FA2H: variants seen among roughly 807,000 people sequenced by gnomAD.
FA2H encodes the protein fatty acid alpha-hydroxylase.
FA2H carries 22 observed loss-of-function variants against 44.9 expected under a neutral mutation model. That is an observed-to-expected ratio of 0.49 (90% CI 0.35 to 0.70). The LOEUF is 0.70. FA2H is among the 30% of genes least tolerant of loss of function. The pLI, the probability that FA2H is intolerant of heterozygous loss-of-function variation, is 0.01. For synonymous variants in FA2H, 243 were observed against 213.2 expected (o/e 1.14, Z -1.22); for missense variants, 501 against 504.9 (o/e 0.99, Z 0.07).
chr16:74,766,459 G>C (rs886646870), intron 1 of FA2H, among the ~76,000 whole-genome samples: 5 of 152,160 alleles, frequency 3.3e-5, no homozygotes, highest in African/African-American at 1.2e-4. Flanking sequence ...AAGGGATATG[G>C]CAATAGGGAG....
intron 2 of FA2H, among the ~76,000 whole-genome samples, chr16:74,728,450 C>T (rs780563169): frequency 2.4e-4 from 36 of 152,102 alleles, no homozygotes; most frequent in Middle Eastern, 6.8e-3. Context: ...AGTTCATCAA[C>T]ATGGGGGATT....
chr16:74,764,232 G>T (rs978900162), intron 1 of FA2H, among the ~76,000 whole-genome samples: 31 of 152,230 alleles, frequency 2.0e-4, no homozygotes, highest in Middle Eastern at 6.8e-3. Flanking sequence ...ATACCCAGAG[G>T]AATATAAATC....
intron 5 of FA2H, among the ~76,000 whole-genome samples, chr16:74,718,499 G>T (rs1961757721): frequency 6.6e-6 from 1 of 152,164 alleles, no homozygotes; most frequent in African/African-American, 2.4e-5. Flanking sequence ...CCCCAGAATG[G>T]GGTACGACAT....
intron 1 of FA2H, among the ~76,000 whole-genome samples, chr16:74,741,609 C>A (rs1053769284): frequency 1.3e-5 from 2 of 151,602 alleles, no homozygotes; most frequent in Non-Finnish European, 2.9e-5. Context: ...TACAGGTGCA[C>A]ATGACCACAC....
In FA2H at chr16:74,756,042, G is replaced by A. The variant is rs113507948; in HGVS notation, c.271-15927C>T. ...GATGAAAGGAACGAGGAGGAGATGC[G>A]GAATACATGTCCAGTTCCCTCGGCC... On this transcript the variant is annotated intron_variant, in intron 1 of 6. Transcript: ENST00000219368. Among the ~76,000 whole-genome samples, 24 of 152,284 alleles carry A rather than the reference G, an allele frequency of 1.6e-4. No individual in the cohort carries two copies. In the South Asian group the frequency reaches 2.1e-3, roughly 13 times the overall value.
At chr16:74,736,163 C>A (rs944608918) in intron 2 of FA2H, among the ~76,000 whole-genome samples, 28 of 152,186 alleles carry the variant, frequency 1.8e-4, no homozygotes. Context: ...TTTTTGAGCA[C>A]CGCTGAGCTC....
intron 2 of FA2H, among the ~76,000 whole-genome samples, chr16:74,738,641 G>A (rs757751391): frequency 6.6e-5 from 10 of 152,126 alleles, no homozygotes; most frequent in Non-Finnish European, 1.3e-4. Flanking sequence ...GCTCCTTCCA[G>A]TACCATCCAC....
At position 74,727,389 on chromosome 16, in the gene FA2H, G is replaced by A. The variant is rs1961983397; in HGVS notation, c.364-3C>T. On this transcript the variant is annotated splice_polypyrimidine_tract_variant and splice_region_variant and intron_variant, in intron 2 of 6. Coordinates refer to ENST00000219368, the MANE Select transcript of FA2H (RefSeq NM_024306.5). ...GGCTTTCGCCAGTCCACCAGGTCCT[G>A]CAAGAGATGAAGCCAAGTGGACGTT... 1.2e-6 allele frequency: 2 copies of A among 1,614,214 alleles called. No homozygotes were observed. Among genetic ancestry groups the A allele is most frequent in the African/African-American group, 2.7e-5 (2 of 75,082 alleles).
intron 1 of FA2H, among the ~76,000 whole-genome samples, chr16:74,746,449 C>A (rs1407007716): frequency 6.6e-6 from 1 of 151,432 alleles, no homozygotes; most frequent in Non-Finnish European, 1.5e-5. Context: ...GCCTCGAAAT[C>A]CTGGCCTCAG....
intron 1 of FA2H, among the ~76,000 whole-genome samples, chr16:74,764,495 C>A (rs1000604918): frequency 6.6e-6 from 1 of 152,088 alleles, no homozygotes; most frequent in Admixed American, 6.6e-5. Context: ...CATGTTCTCA[C>A]TTATAAGTGG....
At chr16:74,721,850 T>C (rs1355363758) in intron 4 of FA2H, among the ~76,000 whole-genome samples, 1 of 152,194 alleles carries the variant, frequency 6.6e-6, no homozygotes, top group Non-Finnish European at 1.5e-5. Flanking sequence ...GCATCCTCCT[T>C]GCTTCTCAGG....
At position 74,724,527 on chromosome 16, in the gene FA2H, G is replaced by A. The variant is rs189553096; in HGVS notation, c.613+1698C>T. On this transcript the variant is annotated intron_variant, in intron 4 of 6. Transcript: ENST00000219368. Reference sequence around the variant, plus strand: ...GACTCTTCTGTATTGATTCCAGTGCGTCCTTTGTCCAGCAGCTGCACTAGG... The same window carrying A: ...GACTCTTCTGTATTGATTCCAGTGCATCCTTTGTCCAGCAGCTGCACTAGG... Among the ~76,000 whole-genome samples the A allele has an allele frequency of 2.4e-3, 369 of 152,234 alleles. 2 individuals carry two copies. Among genetic ancestry groups the A allele is most frequent in the African/African-American group, 8.6e-3 (357 of 41,536 alleles).
At chr16:74,729,007 T>G (rs1962020013) in intron 2 of FA2H, among the ~76,000 whole-genome samples, 2 of 120,026 alleles carry the variant, frequency 1.7e-5, no homozygotes, top group South Asian at 3.0e-4. Context: ...GGTCTTGATT[T>G]TTTTTTTTTT....
rs1961970621 is a variant in FA2H, at chr16:74,726,928, T to C, written c.506+316A>G. ...ATGCAACTGGTCAGATGCTGACCTC[T>C]TGTGGCAGAGGAGCTAATTGCAGGC... On this transcript the variant is annotated intron_variant, in intron 3 of 6. Transcript: ENST00000219368. Among the ~76,000 whole-genome samples the C allele has an allele frequency of 3.3e-5, 5 of 152,210 alleles. No individual in the cohort carries two copies. In the South Asian group the frequency reaches 1.0e-3, roughly 31 times the overall value.
intron 2 of FA2H, among the ~76,000 whole-genome samples, chr16:74,738,657 A>G (rs1052319973): frequency 2.0e-5 from 3 of 152,012 alleles, no homozygotes; most frequent in South Asian, 2.1e-4. Context: ...TCCACTGGCC[A>G]CTCAGGACAG....
chr16:74,725,965 CTCT>C, intron 4 of FA2H: 1 of 461,264 alleles, frequency 2.2e-6, no homozygotes, highest in Non-Finnish European at 4.0e-6. Flanking sequence ...CTCTCTCTCT[CTCT>C]TTTTTTATTG....
chr16:74,747,991 C>G (rs188301074), intron 1 of FA2H, among the ~76,000 whole-genome samples: 1 of 152,140 alleles, frequency 6.6e-6, no homozygotes, highest in African/African-American at 2.4e-5. Flanking sequence ...AGGAGTCTGC[C>G]CCTCATCCTA....
In FA2H at chr16:74,754,201, G is replaced by A. The variant is rs150390889; in HGVS notation, c.271-14086C>T. On this transcript the variant is annotated intron_variant, in intron 1 of 6. Coordinates refer to ENST00000219368, the MANE Select transcript of FA2H (RefSeq NM_024306.5). ...ACTTGAGGTCGGGAGTTCAAGACCA[G>A]ACTGGCCAATATGGCAAAACCCTGT... is the stretch of plus-strand genomic sequence containing the variant. Among the ~76,000 whole-genome samples, 1,393 of 152,290 alleles carry A rather than the reference G, an allele frequency of 9.1e-3. 10 individuals are homozygous for A. Among genetic ancestry groups the A allele is most frequent in the Non-Finnish European group, 0.013 (909 of 68,022 alleles).
chr16:74,728,389 G>A (rs189763618), intron 2 of FA2H, among the ~76,000 whole-genome samples: 6 of 152,318 alleles, frequency 3.9e-5, no homozygotes, highest in East Asian at 1.9e-4. Context: ...ACAAATGCCC[G>A]GGTCACGGTA....
Sources: gnomAD v4.1 joint callset for allele counts (sites outside exome capture counted in the v4.1 genomes callset) on GRCh38, gnomAD v4.1.1 for gene constraint, MANE v1.5 for transcripts, NCBI Gene and HGNC (gene_info 2026-07-23, HGNC 2026-07-21) for gene names.